SLC35F4: variants seen among roughly 807,000 people sequenced by gnomAD.
The protein encoded by SLC35F4 is chromosome 14 open reading frame 36.
SLC35F4 carries 24 observed loss-of-function variants against 44.2 expected under a neutral mutation model. That is an observed-to-expected ratio of 0.54 (90% confidence interval 0.39 to 0.76). SLC35F4 has a LOEUF of 0.76. Among genes scored for constraint, SLC35F4 ranks in the 30% least tolerant of loss-of-function variants. The probability of loss-of-function intolerance (pLI) is 0.00; values close to 1 mark genes in which losing one functional copy is unlikely to be tolerated. For missense variants in SLC35F4, 562 were observed against 586.1 expected, an observed-to-expected ratio of 0.96 and a Z score of 0.42; for synonymous variants, 238 against 223.6, an observed-to-expected ratio of 1.06 and a Z score of -0.57.
At position 57,900,706 on chromosome 14, in the gene SLC35F4, A is replaced by G. The variant is rs139431348; in HGVS notation, n.282+81207T>C. Among the ~76,000 whole-genome samples the G allele has an allele frequency of 1.3e-3, 191 of 152,372 alleles. 2 individuals are homozygous for G. In the Middle Eastern group the frequency reaches 0.031, roughly 24 times the overall value. On this transcript the variant is annotated intron_variant and non_coding_transcript_variant, in intron 1 of 1. Coordinates refer to the SLC35F4 transcript ENST00000556568. ...GGATCTAATTAAAGAGTTTCTGCAC[A>G]GCTAAAGAAACTATCATCGGAGTGA...
rs763824063 is a variant in SLC35F4 at position 57,569,930 on chromosome 14, G to A, written c.984C>T (p.His328=). 8.7e-6 allele frequency: 14 copies of A among 1,612,542 alleles called. No individual in the cohort carries two copies. Among genetic ancestry groups the A allele is most frequent in the Non-Finnish European group, 1.2e-5 (14 of 1,179,500 alleles). ...TGAAGAAACCCAAGGTGGAGACAAAGTGTGCAGCTTCCCCAAAGTTGGCAC... is the reference window on the plus strand; with the variant it reads ...TGAAGAAACCCAAGGTGGAGACAAAATGTGCAGCTTCCCCAAAGTTGGCAC... ...LGSANFGEAA[H]FVSTLGFFNL... is the part of the protein sequence containing the mutation. The change falls in exon 6 of 8, where the codon CAC becomes CAT. Residue 328 remains histidine, a synonymous_variant. Coordinates refer to ENST00000556826, the MANE Select transcript of SLC35F4 (RefSeq NM_001306087.2).
At chr14:57,920,868 G>A (rs1889427039) in intron 1 of SLC35F4, among the ~76,000 whole-genome samples, 2 of 152,130 alleles carry the variant, frequency 1.3e-5, no homozygotes, top group Non-Finnish European at 1.5e-5. Flanking sequence ...CCATAGCTGA[G>A]GCCTCTAGGA....
At chr14:57,700,548 TA>T (rs2075507782) in intron 1 of SLC35F4, among the ~76,000 whole-genome samples, 1 of 152,210 alleles carries the variant, frequency 6.6e-6, no homozygotes, top group African/African-American at 2.4e-5. Context: ...AAATTTAAAT[TA>T]AAAAATTTTT....
intron 1 of SLC35F4, among the ~76,000 whole-genome samples, chr14:57,702,647 A>T (rs889371724): frequency 6.6e-6 from 1 of 152,156 alleles, no homozygotes; most frequent in African/African-American, 2.4e-5. Context: ...CTCTAATTTA[A>T]ACATCTGAAG....
chr14:57,632,529 A>G (rs1436916850), intron 1 of SLC35F4, among the ~76,000 whole-genome samples: 1 of 152,040 alleles, frequency 6.6e-6, no homozygotes, highest in Non-Finnish European at 1.5e-5. Context: ...CAAAATTAAG[A>G]AGGTTCAGAT....
At chr14:57,785,579 C>T (rs942548857) in intron 1 of SLC35F4, among the ~76,000 whole-genome samples, 1 of 152,108 alleles carries the variant, frequency 6.6e-6, no homozygotes, top group African/African-American at 2.4e-5. Flanking sequence ...CCAGGAGACA[C>T]CCCAAATACT....
At chr14:57,924,399 G>GA (rs1889506709) in intron 1 of SLC35F4, among the ~76,000 whole-genome samples, 1 of 151,976 alleles carries the variant, frequency 6.6e-6, no homozygotes, top group Admixed American at 6.6e-5. Flanking sequence ...AAGAGAGAGA[G>GA]AAAAGGGTGA....
At chr14:57,688,518 C>T (rs72711188) in intron 1 of SLC35F4, among the ~76,000 whole-genome samples, 16 of 152,260 alleles carry the variant, frequency 1.1e-4, no homozygotes, top group Non-Finnish European at 2.2e-4. Flanking sequence ...GGGATAATAA[C>T]AGAATACAAC....
chr14:57,908,931 T>C (rs1889161906), intron 1 of SLC35F4, among the ~76,000 whole-genome samples: 1 of 152,210 alleles, frequency 6.6e-6, no homozygotes, highest in African/African-American at 2.4e-5. Context: ...TACATGTGAG[T>C]CTTTAATCCA....
At chr14:57,849,444 G>A (rs1886348361) in intron 1 of SLC35F4, among the ~76,000 whole-genome samples, 1 of 151,386 alleles carries the variant, frequency 6.6e-6, no homozygotes, top group Non-Finnish European at 1.5e-5. Flanking sequence ...TTATAGGCAT[G>A]AGCCACCAAG....
chr14:57,620,463 T>G (rs931319637), intron 1 of SLC35F4, among the ~76,000 whole-genome samples: 1 of 152,006 alleles, frequency 6.6e-6, no homozygotes, highest in African/African-American at 2.4e-5. Context: ...AAAAGAGAAA[T>G]AAAATCCTTT....
At chr14:57,758,001 ATGTGTGTGTGTGTGTGTGTGTGTG>A (rs34860997) in intron 1 of SLC35F4, among the ~76,000 whole-genome samples, 1 of 128,922 alleles carries the variant, frequency 7.8e-6, no homozygotes, top group Non-Finnish European at 1.7e-5. Flanking sequence ...TTATAGGTTC[ATGTGTGTGTGTGTGTGTGTGTGTG>A]TGTGTGTGTG....
chr14:57,600,469 G>A (rs2070745145), intron 1 of SLC35F4, among the ~76,000 whole-genome samples: 1 of 150,698 alleles, frequency 6.6e-6, no homozygotes, highest in Admixed American at 6.6e-5. Context: ...AAGGTGGGCG[G>A]ATCACGAGGT....
At chr14:57,640,937 T>G (rs1344444809) in intron 1 of SLC35F4, among the ~76,000 whole-genome samples, 8 of 152,008 alleles carry the variant, frequency 5.3e-5, no homozygotes, top group African/African-American at 1.9e-4. Flanking sequence ...ATAGAAAATA[T>G]AAGTTTATAT....
chr14:57,670,928 G>A (rs931670610), intron 1 of SLC35F4, among the ~76,000 whole-genome samples: 15 of 112,884 alleles, frequency 1.3e-4, no homozygotes, highest in African/African-American at 3.4e-4. Flanking sequence ...TTTTTGAGAC[G>A]GAGTCTTGCT....
chr14:57,658,967 G>A (rs750509998), intron 1 of SLC35F4, among the ~76,000 whole-genome samples: 3 of 152,122 alleles, frequency 2.0e-5, no homozygotes, highest in Admixed American at 6.6e-5. Flanking sequence ...AAGAAGAGGA[G>A]ATAAAGAGAG....
intron 1 of SLC35F4, among the ~76,000 whole-genome samples, chr14:57,808,382 G>C (rs1350353297): frequency 2.6e-5 from 4 of 151,716 alleles, no homozygotes; most frequent in Non-Finnish European, 5.9e-5. Flanking sequence ...GCAGTCAAAA[G>C]ACATGAATGT....
intron 1 of SLC35F4, among the ~76,000 whole-genome samples, chr14:57,714,508 G>C (rs144036919): frequency 6.6e-4 from 101 of 152,188 alleles, no homozygotes; most frequent in African/African-American, 2.1e-3. Flanking sequence ...CACAGCCTCT[G>C]TTTAGTTTAA....
chr14:57,768,108 A>G (rs2077276457), intron 1 of SLC35F4, among the ~76,000 whole-genome samples: 2 of 152,332 alleles, frequency 1.3e-5, no homozygotes, highest in South Asian at 4.1e-4. Flanking sequence ...AAAAAAATAG[A>G]AGAGGAGGAA....
Sources: gnomAD v4.1 joint callset for allele counts (sites outside exome capture counted in the v4.1 genomes callset) on GRCh38, gnomAD v4.1.1 for gene constraint, MANE v1.5 for transcripts, NCBI Gene and HGNC (gene_info 2026-07-23, HGNC 2026-07-21) for gene names.